Variants in ARMC6 observed in about 807,000 individuals in gnomAD.
ARMC6 encodes the protein armadillo repeat-containing protein 6.
A neutral mutation model predicts 49.2 loss-of-function variants in ARMC6; 43 were observed. That is an observed-to-expected ratio of 0.87 (90% CI 0.69 to 1.13). The LOEUF is 1.13. Among genes scored for constraint, ARMC6 ranks in the 50% most tolerant of loss-of-function variants. The pLI, the probability that ARMC6 is intolerant of heterozygous loss-of-function variation, is 0.00. For synonymous variants in ARMC6, 262 were observed against 289.6 expected, an observed-to-expected ratio of 0.90 and a Z score of 0.97; for missense variants, 627 against 682.0, an observed-to-expected ratio of 0.92 and a Z score of 0.90.
At position 19,057,913 on chromosome 19, in the gene ARMC6, A is replaced by T. The variant is rs558992158; in HGVS notation, c.*285A>T. On this transcript the variant is annotated 3_prime_UTR_variant, in exon 9 of 9. Coordinates refer to ENST00000535612, the MANE Select transcript of ARMC6 (RefSeq NM_001199196.2). ...GCCCCACGCCCTACCAGAGGGGGCA[A>T]AGGGCACGTCCCATCACTCACTGCC... The T allele has an allele frequency of 2.9e-5, 16 of 543,284 alleles. No homozygotes were observed. The Middle Eastern group carries it at 1.3e-3, about 46-fold the overall frequency. The allele number at this position is 543,284 out of a possible 1,614,324, so 33.7% of individuals were successfully genotyped here. A position where few individuals can be genotyped will look rare whatever the true frequency, so the allele number is the denominator to read the frequency against.
At chr19:19,049,193 T>G (rs2059476700) in intron 4 of ARMC6, among the ~76,000 whole-genome samples, 1 of 151,572 alleles carries the variant, frequency 6.6e-6, no homozygotes. Context: ...GCTGACTACA[T>G]GGTGTGAGCC....
chr19:19,053,935 G>A (rs529788877), intron 5 of ARMC6, among the ~76,000 whole-genome samples: 21 of 151,860 alleles, frequency 1.4e-4, no homozygotes, highest in Non-Finnish European at 2.8e-4. Context: ...GGAAGGAAGC[G>A]GGTTGGGGGG....
intron 6 of ARMC6, 151 bp downstream of exon 6, chr19:19,054,472 C>G: frequency 2.5e-6 from 2 of 797,524 alleles, no homozygotes; most frequent in South Asian, 5.4e-5. Flanking sequence ...AACCAAAGGT[C>G]GGGGGGGAAA....
intron 4 of ARMC6, among the ~76,000 whole-genome samples, chr19:19,048,424 A>G (rs914226332): frequency 1.3e-5 from 2 of 152,060 alleles, no homozygotes; most frequent in African/African-American, 2.4e-5. Flanking sequence ...TTGGGAGGCT[A>G]AGGCGGGAGA....
At chr19:19,037,648 G>T in intron 2 of ARMC6, 2 of 1,197,484 alleles carry the variant, frequency 1.7e-6, no homozygotes, top group Non-Finnish European at 2.1e-6. Context: ...ACCATGCCTG[G>T]CCTGAAGTGG....
intron 4 of ARMC6, among the ~76,000 whole-genome samples, chr19:19,045,031 G>A (rs2059437975): frequency 6.6e-6 from 1 of 152,086 alleles, no homozygotes; most frequent in Non-Finnish European, 1.5e-5. Flanking sequence ...TATCTATTGA[G>A]ACAGAGTCTC....
chr19:19,052,451 G>A (rs1009770547), intron 5 of ARMC6, among the ~76,000 whole-genome samples: 1 of 152,198 alleles, frequency 6.6e-6, no homozygotes, highest in Non-Finnish European at 1.5e-5. Flanking sequence ...TCTGGGGAAG[G>A]GGCTTGCTGT....
At position 19,055,622 on chromosome 19, in the gene ARMC6, C is replaced by T. The variant is rs1599651209; in HGVS notation, c.1156-169C>T. Reference sequence around the variant, plus strand: ...GACCAGGCCTATTGCCCTTGTCACCCCTAAGAGCTGAGCTGATATTTTTGT... The same window carrying T: ...GACCAGGCCTATTGCCCTTGTCACCTCTAAGAGCTGAGCTGATATTTTTGT... On this transcript the variant is annotated intron_variant, in intron 7 of 8. Coordinates refer to ENST00000535612, the MANE Select transcript of ARMC6 (RefSeq NM_001199196.2). This position sits in a 1 kb window ranked among gnomAD's most constrained non-coding sequence, Gnocchi z 5.7. Among the ~76,000 whole-genome samples the T allele has an allele frequency of 1.3e-5, 2 of 152,330 alleles. No homozygotes were observed. Among genetic ancestry groups the T allele is most frequent in the South Asian group, 4.1e-4 (2 of 4,826 alleles).
rs1568498074 is a variant in ARMC6 at position 19,055,872 on chromosome 19, G to A, written c.1237G>A (p.Gly413Arg). 1.4e-5 allele frequency: 23 copies of A among 1,613,050 alleles called. No individual in the cohort carries two copies. The highest frequency in any genetic ancestry group is 3.3e-5 in the South Asian group (3 of 91,022). Reference sequence around the variant, plus strand: ...CAGCCGCATCATCGTGGAGGGTGGCGGGGCTGTGGCAGCACTGCAGGCCAT... The same window carrying A: ...CAGCCGCATCATCGTGGAGGGTGGCAGGGCTGTGGCAGCACTGCAGGCCAT... ...DNSRIIVEGG[G>R]AVAALQAMKA... Residue 413 changes from glycine (G) to arginine (R), a missense_variant, in exon 8 of 9, where the codon GGG (glycine) becomes AGG (arginine). By Grantham distance (125) the Gly-to-Arg change is moderately radical (BLOSUM62 -2). Coordinates refer to ENST00000535612, the MANE Select transcript of ARMC6 (RefSeq NM_001199196.2). The surrounding 1 kb of genome is among the most constrained non-coding windows in gnomAD (Gnocchi z 5.7).
intron 4 of ARMC6, among the ~76,000 whole-genome samples, chr19:19,051,287 G>A (rs1404636785): frequency 2.0e-5 from 3 of 152,130 alleles, no homozygotes; most frequent in African/African-American, 7.2e-5. Flanking sequence ...CTTGATGGCA[G>A]GTAGGGCTGG....
Position 19,057,739 on chromosome 19 carries a change from A to T in ARMC6, c.*111A>T. ...TAGTTCTGTCCCCTTCACAATGAGAAGTGTTTTCTGGCAGGCCCTAGGTAA... is the reference window on the plus strand; with the variant it reads ...TAGTTCTGTCCCCTTCACAATGAGATGTGTTTTCTGGCAGGCCCTAGGTAA... On this transcript the variant is annotated 3_prime_UTR_variant, in exon 9 of 9. Transcript: ENST00000535612. 159 of 640,028 alleles carry T rather than the reference A, an allele frequency of 2.5e-4. No individual in the cohort carries two copies. Among genetic ancestry groups the T allele is most frequent in the East Asian group, 6.2e-4 (12 of 19,450 alleles). 39.6% of individuals were successfully genotyped at this position (640,028 alleles called of 1,614,324 possible).
At chr19:19,038,926 C>CACAT (rs1179940488) in intron 2 of ARMC6, among the ~76,000 whole-genome samples, 1 of 147,058 alleles carries the variant, frequency 6.8e-6, no homozygotes, top group East Asian at 2.0e-4. Flanking sequence ...CACACACACA[C>CACAT]ATTTTTTTTA....
chr19:19,035,867 T>G (rs2059361781), intron 2 of ARMC6, among the ~76,000 whole-genome samples: 1 of 152,164 alleles, frequency 6.6e-6, no homozygotes, highest in Admixed American at 6.5e-5. Context: ...ACAGCTTGCT[T>G]TTATACATTT....
intron 5 of ARMC6, 111 bp downstream of exon 5, chr19:19,052,306 A>C (rs1599647380): frequency 9.6e-7 from 1 of 1,043,656 alleles, no homozygotes; most frequent in African/African-American, 1.6e-5. Flanking sequence ...TCAAGGCTCC[A>C]CTCGCCCCTC....
At chr19:19,051,347 T>C (rs1333628311) in intron 4 of ARMC6, among the ~76,000 whole-genome samples, 1 of 151,046 alleles carries the variant, frequency 6.6e-6, no homozygotes, top group African/African-American at 2.4e-5. Flanking sequence ...GCAGGGACAC[T>C]GAGTTGTCTG....
At position 19,055,162 on chromosome 19, in the gene ARMC6, A is replaced by G; in HGVS notation, c.1024-103A>G. 6.9e-7 allele frequency: 1 copy of G among 1,438,874 alleles called. No homozygotes were observed. Among genetic ancestry groups the G allele is most frequent in the African/African-American group, 1.4e-5 (1 of 69,632 alleles). 89.1% of individuals were successfully genotyped at this position (1,438,874 alleles called of 1,614,324 possible). ...GTTAGTCACACCCTGCAGTCACACCATACCTGTTGGTCAAACAGCAAAACA... is the reference window on the plus strand; with the variant it reads ...GTTAGTCACACCCTGCAGTCACACCGTACCTGTTGGTCAAACAGCAAAACA... On this transcript the variant is annotated intron_variant, in intron 6 of 8. Transcript: ENST00000535612. This position sits in a 1 kb window ranked among gnomAD's most constrained non-coding sequence, Gnocchi z 5.7.
intron 4 of ARMC6, among the ~76,000 whole-genome samples, chr19:19,050,432 T>C (rs2059486664): frequency 6.6e-6 from 1 of 152,170 alleles, no homozygotes; most frequent in Admixed American, 6.5e-5. Context: ...CCCAGGCGAG[T>C]CTTGAACTCC....
At chr19:19,034,002 C>T in intron 1 of ARMC6, 72 bp downstream of exon 1, 1 of 555,356 alleles carries the variant, frequency 1.8e-6, no homozygotes. Context: ...GTCGGGCTGG[C>T]GCGACCCTCG....
Position 19,055,960 on chromosome 19 carries a change from C to A in ARMC6, c.1293+32C>A. ...AGGGCAGGGGATGGGGGCAGGCAGGCTGGTGTGGGATGTGCAGGTAGGTGC... is the reference window on the plus strand; with the variant it reads ...AGGGCAGGGGATGGGGGCAGGCAGGATGGTGTGGGATGTGCAGGTAGGTGC... On this transcript the variant is annotated intron_variant, in intron 8 of 8. Coordinates refer to ENST00000535612, the MANE Select transcript of ARMC6 (RefSeq NM_001199196.2). This position sits in a 1 kb window ranked among gnomAD's most constrained non-coding sequence, Gnocchi z 5.7. The A allele has an allele frequency of 6.3e-7, 1 of 1,592,588 alleles. No homozygotes were observed. The highest frequency in any genetic ancestry group is 8.5e-7 in the Non-Finnish European group (1 of 1,173,890).
Sources: gnomAD v4.1 joint callset for allele counts (sites outside exome capture counted in the v4.1 genomes callset) on GRCh38, gnomAD v4.1.1 for gene constraint, Gnocchi (gnomAD v3.1) non-coding constraint, MANE v1.5 for transcripts, NCBI Gene and HGNC (gene_info 2026-07-23, HGNC 2026-07-21) for gene names.